The following PLPBP variants were observed in gnomAD, a reference collection of about 807,000 sequenced individuals.
PLPBP encodes the protein pyridoxal phosphate binding protein.
Under a neutral mutation model 31.2 loss-of-function variants are expected in PLPBP, and 21 were observed. The observed-to-expected ratio is 0.67, with a 90% CI of 0.48 to 0.97. PLPBP has a LOEUF of 0.97. PLPBP is among the 50% of genes least tolerant of loss of function. The pLI is 0.00. For synonymous variants in PLPBP, 124 were observed against 135.6 expected (o/e 0.91, Z 0.59); for missense variants, 308 against 354.4 (o/e 0.87, Z 1.05).
At chr8:37,777,826 C>A (rs1318928899) in intron 7 of PLPBP, 147 bp from the exon 8 acceptor site, 3 of 833,992 alleles carry the variant, frequency 3.6e-6, no homozygotes, top group Non-Finnish European at 5.3e-6. Flanking sequence ...CCACCTCGGC[C>A]TCCCAAAATG....
rs760144494 is a variant in PLPBP at position 37,772,775 on chromosome 8, C to A, written c.340C>A (p.Leu114Met). 14 of 1,614,078 alleles carry A rather than the reference C, an allele frequency of 8.7e-6. No homozygotes were observed. The highest frequency in any genetic ancestry group is 1.6e-4 in the Middle Eastern group (1 of 6,084). ...KLMAVPNLFMLETVDSVKLAD... is the reference protein window; with the variant it reads ...KLMAVPNLFMMETVDSVKLAD... ...TACAGCTGTCCCCAATCTCTTCATG[C>A]TGGAAACAGTGGATTCTGTGAAGTT... Residue 114 changes from leucine (L) to methionine (M), a missense_variant, in exon 5 of 8, where the codon CTG becomes ATG. Transcript: ENST00000328195.
At chr8:37,773,175 GT>G (rs369461620) in intron 5 of PLPBP, among the ~76,000 whole-genome samples, 6,640 of 148,008 alleles carry the variant, frequency 0.045, 513 homozygotes, top group African/African-American at 0.16. Context: ...TTGTATTTTT[GT>G]TTTTTTTTTG....
At chr8:37,768,459 G>A (rs1292202340) in intron 4 of PLPBP, among the ~76,000 whole-genome samples, 1 of 131,256 alleles carries the variant, frequency 7.6e-6, no homozygotes, top group Non-Finnish European at 1.6e-5. Flanking sequence ...TTACAGTTTT[G>A]ATTTTCTTTT....
chr8:37,762,774 G>A lies in PLPBP; in HGVS notation c.99+16G>A, dbSNP rs780278097. 5 of 1,548,328 alleles carry A rather than the reference G, an allele frequency of 3.2e-6. No individual in the cohort carries two copies. In the East Asian group the frequency reaches 1.2e-4, roughly 36 times the overall value. ...GCGGCCGCGGGTGAGGAAGGAGGCTGCGTGGGGACGGTGGGCGGCCGCCTT... is the reference window on the plus strand; with the variant it reads ...GCGGCCGCGGGTGAGGAAGGAGGCTACGTGGGGACGGTGGGCGGCCGCCTT... On this transcript the variant is annotated intron_variant, in intron 1 of 7. Transcript: ENST00000328195.
chr8:37,767,219 AT>A (rs1443148854), intron 4 of PLPBP, among the ~76,000 whole-genome samples: 4 of 152,156 alleles, frequency 2.6e-5, no homozygotes, highest in African/African-American at 9.7e-5. Context: ...CATTGCACAT[AT>A]TTAAAGTATA....
At chr8:37,768,097 G>A (rs2042575760) in intron 4 of PLPBP, among the ~76,000 whole-genome samples, 1 of 152,122 alleles carries the variant, frequency 6.6e-6, no homozygotes, top group Non-Finnish European at 1.5e-5. Flanking sequence ...GAGCCACCAT[G>A]CCCGGCCTAT....
rs758438904 is a variant in PLPBP, at chr8:37,778,100, A to T, written c.824A>T (p.His275Leu). ...GCCCCGCTGGAGGTGGCACAGGAGC[A>T]CTGAGCCAGGGAATACTGAGAGCAC... ...VKAPLEVAQE[H>L] Residue 275 changes from histidine (H) to leucine (L), a missense_variant, in exon 8 of 8, where the codon CAC becomes CTC. Physicochemically the swap from His to Leu is moderately conservative, Grantham distance 99. Around this residue, in one of 2 missense-constraint regions of PLPBP, gnomAD observed 188 missense variants for 259.3 expected, o/e 0.73. Transcript: ENST00000328195. 9.7e-5 allele frequency: 157 copies of T among 1,612,738 alleles called. No homozygotes were observed. Among genetic ancestry groups the T allele is most frequent in the Non-Finnish European group, 1.2e-4 (137 of 1,179,172 alleles).
At position 37,775,991 on chromosome 8, in the gene PLPBP, G is replaced by C; in HGVS notation, c.671G>C (p.Gly224Ala). Residue 224 changes from glycine to alanine, a missense_variant, in exon 7 of 8, where the codon GGC becomes GCC. Physicochemically the swap from Gly to Ala is moderately conservative, Grantham distance 60. This residue lies in a region of PLPBP where 188 missense variants were observed against 259.3 expected (regional missense o/e 0.73). Coordinates refer to ENST00000328195, the MANE Select transcript of PLPBP (RefSeq NM_007198.4). ...GCTGACCAGGTTGAGCTGAGCATGG[G>C]CATGTCCGCGGATTTCCAGCATGCG... Reference protein sequence around the residue: ...IPADQVELSMGMSADFQHAVE... With the variant: ...IPADQVELSMAMSADFQHAVE... The C allele has an allele frequency of 6.2e-7, 1 of 1,613,926 alleles. No homozygotes were observed. The highest frequency in any genetic ancestry group is 8.5e-7 in the Non-Finnish European group (1 of 1,179,924).
At chr8:37,769,897 GC>G (rs1803726044) in intron 4 of PLPBP, among the ~76,000 whole-genome samples, 1 of 152,174 alleles carries the variant, frequency 6.6e-6, no homozygotes, top group African/African-American at 2.4e-5. Flanking sequence ...ATTTACAATA[GC>G]TACAAATGAA....
At chr8:37,770,896 G>C (rs913427103) in intron 4 of PLPBP, among the ~76,000 whole-genome samples, 1 of 152,098 alleles carries the variant, frequency 6.6e-6, no homozygotes, top group Non-Finnish European at 1.5e-5. Flanking sequence ...ATATGTAAAG[G>C]TGATGGGAGG....
intron 4 of PLPBP, among the ~76,000 whole-genome samples, chr8:37,768,699 T>C (rs2129786491): frequency 6.6e-6 from 1 of 152,086 alleles, no homozygotes; most frequent in African/African-American, 2.4e-5. Context: ...GGTCTCAAAC[T>C]CCAGACCTCA....
At chr8:37,765,655 C>T in intron 2 of PLPBP, 22 bp downstream of exon 2, 2 of 1,614,166 alleles carry the variant, frequency 1.2e-6, no homozygotes, top group South Asian at 1.1e-5. Flanking sequence ...TTCCTGAAGC[C>T]CTTTGGAAGC....
In PLPBP at chr8:37,779,469, A is replaced by G. The variant is rs970979038; in HGVS notation, c.*1365A>G. 8 of 152,236 alleles carry G rather than the reference A, an allele frequency of 5.3e-5. No homozygotes were observed. The highest frequency in any genetic ancestry group is 1.0e-4 in the Non-Finnish European group (7 of 68,034). The allele number at this position is 152,236 out of a possible 1,614,324, so 9.4% of individuals were successfully genotyped here. A position where few individuals can be genotyped will look rare whatever the true frequency, so the allele number is the denominator to read the frequency against. On this transcript the variant is annotated 3_prime_UTR_variant, in exon 8 of 8. Coordinates refer to ENST00000328195, the MANE Select transcript of PLPBP (RefSeq NM_007198.4). ...CATTAATAAAGTAGCAAGATCCTCA[A>G]AAAACCCAAAAACACCATTCTCTAA...
chr8:37,762,707 A>C lies in PLPBP; in HGVS notation c.48A>C (p.Ala16=), dbSNP rs906414742. 1.9e-6 allele frequency: 3 copies of C among 1,591,280 alleles called. No individual in the cohort carries two copies. The highest frequency in any genetic ancestry group is 1.7e-6 in the Non-Finnish European group (2 of 1,173,070). The change falls in exon 1 of 8, where the codon GCA becomes GCC. Residue 16 remains alanine (A), a synonymous_variant. Coordinates refer to ENST00000328195, the MANE Select transcript of PLPBP (RefSeq NM_007198.4). Reference sequence around the variant, plus strand: ...CGGCCGAGCTGGGAGTCGGGTGCGCATTGCGGGCGGTGAACGAGCGCGTGC... The same window carrying C: ...CGGCCGAGCTGGGAGTCGGGTGCGCCTTGCGGGCGGTGAACGAGCGCGTGC... ...SMSAELGVGC[A]LRAVNERVQQ...
rs1418331333 is a variant in PLPBP, at chr8:37,762,659, G to A, written c.-1G>A. On this transcript the variant is annotated 5_prime_UTR_variant, in exon 1 of 8. Transcript: ENST00000328195. ...TGGGGCTCGGCGTCGGTCCCCGGGG[G>A]ATGTGGAGAGCTGGCAGCATGTCGG... 3.2e-6 allele frequency: 5 copies of A among 1,578,336 alleles called. No individual in the cohort carries two copies. Among genetic ancestry groups the A allele is most frequent in the Non-Finnish European group, 3.4e-6 (4 of 1,165,900 alleles).
At chr8:37,770,799 A>G (rs887825589) in intron 4 of PLPBP, among the ~76,000 whole-genome samples, 1 of 151,208 alleles carries the variant, frequency 6.6e-6, no homozygotes, top group African/African-American at 2.4e-5. Context: ...CTGGTCTCCA[A>G]TTCCTGACCT....
chr8:37,767,380 CT>C (rs1269855546), intron 4 of PLPBP, among the ~76,000 whole-genome samples: 2 of 152,178 alleles, frequency 1.3e-5, no homozygotes, highest in African/African-American at 2.4e-5. Context: ...CACTTACCTG[CT>C]TTTGTCACTG....
At chr8:37,765,159 C>T (rs1803588395) in intron 1 of PLPBP, among the ~76,000 whole-genome samples, 1 of 152,104 alleles carries the variant, frequency 6.6e-6, no homozygotes. Context: ...GCCTGGGCAA[C>T]AAGAGTGAAA....
intron 1 of PLPBP, 120 bp from the exon 2 acceptor site, chr8:37,765,406 G>A (rs1803596501): frequency 1.1e-6 from 1 of 896,430 alleles, no homozygotes; most frequent in African/African-American, 1.7e-5. Context: ...TTGAAAAAAT[G>A]GATCTTACCT....
Sources: gnomAD v4.1 joint callset for allele counts (sites outside exome capture counted in the v4.1 genomes callset) on GRCh38, gnomAD v4.1.1 for gene constraint, gnomAD v4.1.1 regional missense constraint, MANE v1.5 for transcripts, NCBI Gene and HGNC (gene_info 2026-07-23, HGNC 2026-07-21) for gene names.